AFF1: variants seen among roughly 807,000 people sequenced by gnomAD.
The protein encoded by AFF1 is ALF transcription elongation factor 1.
Under a neutral mutation model 121.7 loss-of-function variants are expected in AFF1, and 48 were observed. The ratio of observed to expected loss-of-function variants is 0.39; its 90% CI spans 0.31 to 0.50. AFF1 has a LOEUF of 0.50. AFF1 is among the 20% of genes least tolerant of loss of function. AFF1 has a pLI of 0.76. For missense variants in AFF1, 1,523 were observed against 1,511.7 expected (o/e 1.01, Z -0.12); for synonymous variants, 613 against 563.0 (o/e 1.09, Z -1.26).
intron 7 of AFF1, among the ~76,000 whole-genome samples, chr4:87,093,060 C>A (rs1483682223): frequency 1.3e-5 from 2 of 152,276 alleles, no homozygotes; most frequent in East Asian, 3.9e-4. Context: ...TTAGAAAGAA[C>A]CTTTAGTCCA....
chr4:86,949,542 T>TTTTTA (rs1721135244), intron 2 of AFF1: 9 of 163,628 alleles, frequency 5.5e-5, no homozygotes, highest in African/African-American at 8.0e-5. Context: ...TTATTATTTT[T>TTTTTA]TTTTTTTTTT....
At position 86,995,015 on chromosome 4, in the gene AFF1, T is replaced by A. The variant is rs187876421; in HGVS notation, c.38+46444T>A. Among the ~76,000 whole-genome samples, 375 of 152,118 alleles carry A rather than the reference T, an allele frequency of 2.5e-3. 1 individual carries two copies. Among genetic ancestry groups the A allele is most frequent in the Non-Finnish European group, 4.1e-3 (277 of 67,982 alleles). On this transcript the variant is annotated intron_variant, in intron 2 of 20. Coordinates refer to ENST00000395146, the MANE Select transcript of AFF1 (RefSeq NM_001166693.3). ...CAGCACTTCGGGAGGCCAAGGCAGG[T>A]GGATCACCTGAGTCCAGGAGTTTGA...
intron 4 of AFF1, among the ~76,000 whole-genome samples, chr4:87,056,105 C>G (rs1003047793): frequency 9.9e-5 from 15 of 151,884 alleles, no homozygotes; most frequent in African/African-American, 3.4e-4. Context: ...TTTCCTAACC[C>G]CGTGGTAATT....
chr4:87,043,535 T>TTA (rs947401145), intron 2 of AFF1, among the ~76,000 whole-genome samples: 2 of 152,196 alleles, frequency 1.3e-5, no homozygotes, highest in African/African-American at 4.8e-5. Context: ...ACAAGAGGAA[T>TTA]TACCAAAATG....
Position 86,992,955 on chromosome 4 carries a change from CAA to C in AFF1, c.38+44386_38+44387del, listed in dbSNP as rs1233062738. The stretch of plus-strand genomic sequence containing the variant: ...TTTGAGTGAGTAAGTTCTTAGAAGA[CAA>C]AGATTTTTTAAAAAACATGCTTTCC... On this transcript the variant is annotated intron_variant, in intron 2 of 20. Transcript: ENST00000395146. 5.3e-5 allele frequency among the ~76,000 whole-genome samples: 8 copies of C among 152,170 alleles called. No homozygotes were observed. In the South Asian group the frequency reaches 1.0e-3, roughly 20 times the overall value.
At chr4:86,972,429 C>T (rs984174578) in intron 2 of AFF1, among the ~76,000 whole-genome samples, 2 of 151,996 alleles carry the variant, frequency 1.3e-5, no homozygotes, top group Non-Finnish European at 2.9e-5. Flanking sequence ...GTAGAGATGT[C>T]ATGGTATAAT....
In AFF1 at chr4:87,131,153, C is replaced by T. The variant is rs777831153; in HGVS notation, c.3035C>T (p.Thr1012Ile). ...TCCTTCATTGAGTGCGGAATTGCCA[C>T]AGAGTCTGAAAGCCAGTCATCCAAG... ...VLSFIECGIA[T>I]ESESQSSKSA... Residue 1012 changes from threonine to isoleucine, a missense_variant, in exon 17 of 21, where the codon ACA (threonine) becomes ATA (isoleucine). Transcript: ENST00000395146. The T allele has an allele frequency of 1.2e-6, 2 of 1,614,226 alleles. No individual in the cohort carries two copies. The highest frequency in any genetic ancestry group is 2.2e-5 in the South Asian group (2 of 91,078).
intron 2 of AFF1, among the ~76,000 whole-genome samples, chr4:87,030,408 T>C (rs1436499275): frequency 1.3e-5 from 2 of 152,236 alleles, no homozygotes; most frequent in Non-Finnish European, 2.9e-5. Flanking sequence ...TGCCAATCCC[T>C]GGACTAGCCC....
At chr4:87,019,884 C>CGGGGGTGGGG (rs1727711982) in intron 2 of AFF1, among the ~76,000 whole-genome samples, 1 of 82,534 alleles carries the variant, frequency 1.2e-5, no homozygotes, top group Admixed American at 1.3e-4. Flanking sequence ...CTGAAGGGGT[C>CGGGGGTGGGG]GGGGGGGGGC....
intron 2 of AFF1, among the ~76,000 whole-genome samples, chr4:86,957,463 C>T (rs565109912): frequency 1.3e-5 from 2 of 152,298 alleles, no homozygotes; most frequent in Admixed American, 6.5e-5. Flanking sequence ...AAGCAAAAGC[C>T]TGGAGAGACC....
At chr4:86,980,651 G>T (rs992139402) in intron 2 of AFF1, among the ~76,000 whole-genome samples, 1 of 152,090 alleles carries the variant, frequency 6.6e-6, no homozygotes, top group Non-Finnish European at 1.5e-5. Context: ...GCTACCTTTA[G>T]TAAGGGTAGA....
intron 11 of AFF1, among the ~76,000 whole-genome samples, chr4:87,109,222 C>T (rs1726227107): frequency 6.6e-6 from 1 of 152,140 alleles, no homozygotes; most frequent in Non-Finnish European, 1.5e-5. Context: ...AAAAAGCCTT[C>T]TGTATTTGTC....
intron 8 of AFF1, among the ~76,000 whole-genome samples, chr4:87,100,989 C>G (rs1446898265): frequency 6.6e-6 from 1 of 152,160 alleles, no homozygotes; most frequent in East Asian, 1.9e-4. Flanking sequence ...AACCATTAAC[C>G]TCTTTCACTA....
At chr4:86,939,139 C>T (rs746551681) in intron 1 of AFF1, among the ~76,000 whole-genome samples, 5 of 152,130 alleles carry the variant, frequency 3.3e-5, no homozygotes, top group Non-Finnish European at 7.4e-5. Context: ...AGAGAAAGGG[C>T]CTGTGCAGGT....
Position 87,108,296 on chromosome 4 carries a change from T to G in AFF1, c.1514T>G (p.Leu505Arg). Residue 505 changes from leucine to arginine, a missense_variant, in exon 11 of 21, where the codon CTA (leucine) becomes CGA (arginine). Around this residue, in one of 5 missense-constraint regions of AFF1, gnomAD observed 905 missense variants for 842.5 expected, o/e 1.07. Transcript: ENST00000395146. ...AGTGACAGCGAAGAAAATGAGCCCC[T>G]AGAAACCCCAGCTCCGGAGGTACCG... is the stretch of plus-strand genomic sequence containing the variant. The part of the protein sequence containing the change: ...SSSDSEENEP[L>R]ETPAPEPEPP... 6.2e-7 allele frequency: 1 copy of G among 1,613,598 alleles called. No homozygotes were observed. The highest frequency in any genetic ancestry group is 8.5e-7 in the Non-Finnish European group (1 of 1,179,908).
At chr4:87,129,144 T>C (rs1010261809) in intron 16 of AFF1, among the ~76,000 whole-genome samples, 2 of 152,226 alleles carry the variant, frequency 1.3e-5, no homozygotes, top group Non-Finnish European at 2.9e-5. Flanking sequence ...CATCCCAGTT[T>C]GATAAATAAT....
chr4:87,110,486 G>C (rs1010058970), intron 11 of AFF1, among the ~76,000 whole-genome samples: 1 of 114,126 alleles, frequency 8.8e-6, no homozygotes, highest in Admixed American at 1.1e-4. Context: ...GTTTTGTTTT[G>C]TTGGTACCGA....
At chr4:87,084,257 G>A in intron 5 of AFF1, 93 bp downstream of exon 5, 1 of 1,372,640 alleles carries the variant, frequency 7.3e-7, no homozygotes, top group Non-Finnish European at 1.0e-6. Flanking sequence ...AGTTGCCATT[G>A]GCTGGGTGCG....
intron 2 of AFF1, among the ~76,000 whole-genome samples, chr4:87,033,814 A>G (rs1048659002): frequency 2.6e-5 from 4 of 151,796 alleles, no homozygotes; most frequent in Non-Finnish European, 4.4e-5. Flanking sequence ...TTTAAATGTT[A>G]TTATTAAATG....
Sources: allele counts gnomAD v4.1 joint callset (sites outside exome capture counted in the v4.1 genomes callset), GRCh38; gene constraint gnomAD v4.1.1; regional missense constraint gnomAD v4.1.1; transcripts MANE v1.5; gene names NCBI Gene and HGNC (gene_info 2026-07-23, HGNC 2026-07-21).